The following ROBO1 variants were observed in gnomAD, a reference collection of about 807,000 sequenced individuals.
ROBO1 encodes the protein roundabout guidance receptor 1, also known as roundabout homolog 1.
ROBO1 carries 149 observed loss-of-function variants against 195.9 expected under a neutral mutation model. The ratio of observed to expected loss-of-function variants is 0.76; its 90% CI spans 0.67 to 0.87. The LOEUF is 0.87. Ranked by LOEUF, ROBO1 falls within the 40% of genes least tolerant of loss-of-function variation. The pLI, the probability that ROBO1 is intolerant of heterozygous loss-of-function variation, is 0.00. For synonymous variants in ROBO1, 816 were observed against 733.2 expected, an observed-to-expected ratio of 1.11 and a Z score of -1.82; for missense variants, 1,933 against 2,068.3, an observed-to-expected ratio of 0.93 and a Z score of 1.27.
At chr3:79,482,280 T>C (rs1020952456) in intron 2 of ROBO1, among the ~76,000 whole-genome samples, 1 of 152,202 alleles carries the variant, frequency 6.6e-6, no homozygotes, top group Non-Finnish European at 1.5e-5. Context: ...GGAATTGATA[T>C]GGTTTGGCTG....
intron 2 of ROBO1, among the ~76,000 whole-genome samples, chr3:79,483,453 G>T (rs1230011360): frequency 6.6e-6 from 1 of 152,146 alleles, no homozygotes; most frequent in African/African-American, 2.4e-5. Flanking sequence ...ATGCAGTCAT[G>T]TATCTCTGAA....
At chr3:79,390,096 A>T (rs562562345) in intron 2 of ROBO1, among the ~76,000 whole-genome samples, 96 of 152,244 alleles carry the variant, frequency 6.3e-4, no homozygotes, top group African/African-American at 2.0e-3. Context: ...AGAAATATCA[A>T]TAAAAAATTC....
intron 2 of ROBO1, among the ~76,000 whole-genome samples, chr3:79,307,764 T>C (rs1247676752): frequency 6.6e-6 from 1 of 152,112 alleles, no homozygotes; most frequent in Non-Finnish European, 1.5e-5. Context: ...GTTTGTTGAT[T>C]TGGGTTAATT....
chr3:78,947,599 TCAC>T (rs1293366653), intron 3 of ROBO1, among the ~76,000 whole-genome samples: 45 of 151,850 alleles, frequency 3.0e-4, no homozygotes, highest in Admixed American at 2.9e-3. Flanking sequence ...CACCCTAACG[TCAC>T]AATTAAAAGA....
chr3:79,459,203 C>A (rs1269094325), intron 2 of ROBO1, among the ~76,000 whole-genome samples: 1 of 151,724 alleles, frequency 6.6e-6, no homozygotes, highest in Admixed American at 6.6e-5. Context: ...TCTAAAAATT[C>A]CTTCCTATGG....
chr3:78,776,109 TC>T (rs1395577497), intron 4 of ROBO1, among the ~76,000 whole-genome samples: 1 of 152,162 alleles, frequency 6.6e-6, no homozygotes, highest in African/African-American at 2.4e-5. Flanking sequence ...TTCTATGGGT[TC>T]CAAAAAAGAT....
chr3:79,389,759 C>T (rs896640129), intron 2 of ROBO1, among the ~76,000 whole-genome samples: 2 of 151,806 alleles, frequency 1.3e-5, no homozygotes, highest in African/African-American at 4.8e-5. Flanking sequence ...TTATATGTAA[C>T]TAGTTTGTTG....
At chr3:79,412,390 G>C (rs2037805567) in intron 2 of ROBO1, among the ~76,000 whole-genome samples, 2 of 151,996 alleles carry the variant, frequency 1.3e-5, no homozygotes, top group African/African-American at 4.8e-5. Flanking sequence ...ATGATAATAA[G>C]GAAAAGCTGT....
intron 2 of ROBO1, among the ~76,000 whole-genome samples, chr3:79,392,033 G>A (rs1226864858): frequency 6.6e-6 from 1 of 152,168 alleles, no homozygotes; most frequent in African/African-American, 2.4e-5. Context: ...CAAGAACAGT[G>A]GACCAGAAGT....
intron 2 of ROBO1, among the ~76,000 whole-genome samples, chr3:79,288,417 A>G (rs1395228651): frequency 6.6e-6 from 1 of 152,218 alleles, no homozygotes; most frequent in Non-Finnish European, 1.5e-5. Flanking sequence ...AAAATAAAAA[A>G]CAGAACATTG....
chr3:78,647,970 C>T (rs1463730065), intron 19 of ROBO1, among the ~76,000 whole-genome samples: 1 of 152,058 alleles, frequency 6.6e-6, no homozygotes, highest in African/African-American at 2.4e-5. Context: ...CAAGAATCCT[C>T]CACTATTAAT....
At chr3:79,703,086 T>C (rs562824062) in intron 1 of ROBO1, among the ~76,000 whole-genome samples, 10 of 152,016 alleles carry the variant, frequency 6.6e-5, no homozygotes, top group Admixed American at 1.3e-4. Flanking sequence ...ATAAATCAAG[T>C]CTTAAAGGTT....
intron 2 of ROBO1, among the ~76,000 whole-genome samples, chr3:79,441,682 A>T (rs924086372): frequency 6.6e-6 from 1 of 152,078 alleles, no homozygotes. Context: ...TAATGATATG[A>T]CTCAGGGGCA....
chr3:78,617,674 C>A lies in ROBO1; in HGVS notation c.4243G>T (p.Gly1415Cys). Residue 1415 changes from glycine to cysteine, a missense_variant, in exon 27 of 31, where the codon GGT becomes TGT. Physicochemically the swap from Gly to Cys is radical, Grantham distance 159 (BLOSUM62 -3). Coordinates refer to ENST00000464233, the MANE Select transcript of ROBO1 (RefSeq NM_002941.4). ...ATTTGCCGTCGTGCTACTTTCAGAC[C>A]AGCATACTCTGCCGCTGCTGCGACT... Reference protein sequence around the residue: ...QAVAAAAEYAGLKVARRQMQD... With the variant: ...QAVAAAAEYACLKVARRQMQD... The A allele has an allele frequency of 6.2e-7, 1 of 1,613,664 alleles. No homozygotes were observed. Among genetic ancestry groups the A allele is most frequent in the Non-Finnish European group, 8.5e-7 (1 of 1,179,712 alleles).
chr3:79,289,671 T>A (rs1463799678), intron 2 of ROBO1, among the ~76,000 whole-genome samples: 1 of 152,176 alleles, frequency 6.6e-6, no homozygotes, highest in Non-Finnish European at 1.5e-5. Context: ...AACTTTTGGT[T>A]AAATAATACA....
At chr3:79,599,868 A>G (rs1944288150) in intron 1 of ROBO1, among the ~76,000 whole-genome samples, 1 of 152,022 alleles carries the variant, frequency 6.6e-6, no homozygotes, top group Admixed American at 6.6e-5. Context: ...ATCTAATGAA[A>G]AGTAATAAAA....
rs1283139184 is a variant in ROBO1 at position 78,771,344 on chromosome 3, T to C, written c.500-24444A>G. Among the ~76,000 whole-genome samples, 3 of 152,208 alleles carry C rather than the reference T, an allele frequency of 2.0e-5. No homozygotes were observed. In the East Asian group the frequency reaches 5.8e-4, roughly 29 times the overall value. Reference sequence around the variant, plus strand: ...TCAGGTAATATGATGCCTCCAGCTTTGCTCCTTTTGCTTAGCATTGCTTTG... The same window carrying C: ...TCAGGTAATATGATGCCTCCAGCTTCGCTCCTTTTGCTTAGCATTGCTTTG... On this transcript the variant is annotated intron_variant, in intron 4 of 30. Transcript: ENST00000464233.
chr3:78,728,025 C>G (rs1217826934), intron 5 of ROBO1, among the ~76,000 whole-genome samples: 2 of 151,916 alleles, frequency 1.3e-5, no homozygotes, highest in African/African-American at 4.8e-5. Context: ...ATTAAATAAA[C>G]AATAAACCTC....
intron 2 of ROBO1, among the ~76,000 whole-genome samples, chr3:79,225,952 C>G (rs777773402): frequency 1.3e-5 from 2 of 152,098 alleles, no homozygotes; most frequent in Non-Finnish European, 2.9e-5. Flanking sequence ...CTCAGTCAAG[C>G]TCTCTCTCAG....
Sources: allele counts gnomAD v4.1 joint callset (sites outside exome capture counted in the v4.1 genomes callset), GRCh38; gene constraint gnomAD v4.1.1; transcripts MANE v1.5; gene names NCBI Gene and HGNC (gene_info 2026-07-23, HGNC 2026-07-21).